TRPC7: variants seen among roughly 807,000 people sequenced by gnomAD.
TRPC7 encodes short transient receptor potential channel 7.
TRPC7 carries 42 observed loss-of-function variants against 90.1 expected under a neutral mutation model. The ratio of observed to expected loss-of-function variants is 0.47; its 90% CI spans 0.36 to 0.60. The LOEUF is 0.60. Among genes scored for constraint, TRPC7 ranks in the 20% least tolerant of loss-of-function variants. TRPC7 has a pLI of 0.00. For missense variants in TRPC7, 955 were observed against 1,112.3 expected (o/e 0.86, Z 2.01); for synonymous variants, 451 against 436.3 (o/e 1.03, Z -0.42).
At chr5:136,349,612 C>T (rs1760127534) in intron 2 of TRPC7, among the ~76,000 whole-genome samples, 1 of 152,188 alleles carries the variant, frequency 6.6e-6, no homozygotes, top group Non-Finnish European at 1.5e-5. Context: ...TGTCTATTTA[C>T]TGAACTAATA....
intron 7 of TRPC7, among the ~76,000 whole-genome samples, chr5:136,245,831 A>T (rs890519678): frequency 3.5e-4 from 54 of 152,232 alleles, no homozygotes; most frequent in Non-Finnish European, 7.5e-4. Context: ...TTTGTGAATA[A>T]GGTGGGAAAC....
Position 136,317,056 on chromosome 5 carries a change from T to A in TRPC7, c.781-1277A>T, listed in dbSNP as rs557520550. On this transcript the variant is annotated intron_variant, in intron 2 of 11. Coordinates refer to ENST00000513104, the MANE Select transcript of TRPC7 (RefSeq NM_020389.3). ...ATTAGAGAAAGAGGTAAGTAACTGC[T>A]TGTTTGCTGGGAAAAGGGAAAAGAT... Among the ~76,000 whole-genome samples the A allele has an allele frequency of 4.0e-4, 61 of 152,336 alleles. 1 individual carries two copies. Among genetic ancestry groups the A allele is most frequent in the African/African-American group, 1.4e-3 (57 of 41,578 alleles).
chr5:136,259,918 C>T (rs902024328), intron 5 of TRPC7, among the ~76,000 whole-genome samples: 16 of 152,246 alleles, frequency 1.1e-4, no homozygotes, highest in African/African-American at 3.9e-4. Context: ...TCTACTTAGT[C>T]TCCTTGTGGC....
Position 136,213,513 on chromosome 5 carries a change from C to T in TRPC7, c.2511G>A (p.Leu837=). 1 of 1,614,028 alleles carries T rather than the reference C, an allele frequency of 6.2e-7. No homozygotes were observed. The highest frequency in any genetic ancestry group is 2.2e-5 in the East Asian group (1 of 44,884). ...CAAACTTCTCGCTGAGTTGTTGAAT[C>T]AGGTCTGCCAGCTCACCAGTAGCTT... ...KSQATGELAD[L]IQQLSEKFGK... Residue 837 remains leucine (L), a synonymous_variant, in exon 12 of 12, where the codon CTG becomes CTA. Transcript: ENST00000513104.
intron 10 of TRPC7, 126 bp downstream of exon 10, chr5:136,225,148 T>C (rs1755585323): frequency 1.2e-6 from 1 of 832,056 alleles, no homozygotes. Context: ...ACTCAATAAA[T>C]ATTTGTACAA....
chr5:136,259,320 A>G (rs1010390888), intron 5 of TRPC7, among the ~76,000 whole-genome samples: 1 of 152,184 alleles, frequency 6.6e-6, no homozygotes, highest in African/African-American at 2.4e-5. Flanking sequence ...TCCACTGGGA[A>G]CAAGCTTACT....
At chr5:136,341,388 G>A (rs577925771) in intron 2 of TRPC7, among the ~76,000 whole-genome samples, 1 of 151,874 alleles carries the variant, frequency 6.6e-6, no homozygotes, top group Non-Finnish European at 1.5e-5. Context: ...AACTGAATGT[G>A]GGGTATATTT....
intron 2 of TRPC7, among the ~76,000 whole-genome samples, chr5:136,334,730 A>G (rs987857180): frequency 6.6e-6 from 1 of 152,238 alleles, no homozygotes; most frequent in Non-Finnish European, 1.5e-5. Flanking sequence ...ATAACACACT[A>G]CAAGACTTAA....
chr5:136,233,934 T>A (rs1322272524), intron 7 of TRPC7, among the ~76,000 whole-genome samples: 1 of 152,212 alleles, frequency 6.6e-6, no homozygotes, highest in East Asian at 1.9e-4. Flanking sequence ...TCTATATCAA[T>A]AATCTGAAGA....
chr5:136,229,987 C>T (rs1292058593), intron 8 of TRPC7, among the ~76,000 whole-genome samples: 1 of 152,168 alleles, frequency 6.6e-6, no homozygotes, highest in African/African-American at 2.4e-5. Flanking sequence ...CTATAACTTG[C>T]ATTTTTTCAC....
chr5:136,310,092 C>T (rs1489249423), intron 3 of TRPC7, among the ~76,000 whole-genome samples: 1 of 152,126 alleles, frequency 6.6e-6, no homozygotes, highest in Non-Finnish European at 1.5e-5. Flanking sequence ...TCAGTCACAC[C>T]CAGTCCTCCC....
chr5:136,350,606 G>GA (rs1259868471), intron 2 of TRPC7, among the ~76,000 whole-genome samples: 5 of 152,082 alleles, frequency 3.3e-5, no homozygotes, highest in Admixed American at 6.6e-5. Flanking sequence ...CAGAAAAATA[G>GA]AAAAAAACAA....
At chr5:136,311,105 T>C (rs1758812260) in intron 3 of TRPC7, among the ~76,000 whole-genome samples, 1 of 152,150 alleles carries the variant, frequency 6.6e-6, no homozygotes, top group African/African-American at 2.4e-5. Flanking sequence ...AAGGCCTCTC[T>C]CATGCAAAAC....
At chr5:136,337,021 G>A (rs1258083613) in intron 2 of TRPC7, among the ~76,000 whole-genome samples, 1 of 152,134 alleles carries the variant, frequency 6.6e-6, no homozygotes, top group East Asian at 1.9e-4. Context: ...TGATTCTGGA[G>A]GCTCACCTAT....
chr5:136,353,926 C>T (rs937640536), intron 2 of TRPC7, among the ~76,000 whole-genome samples: 2 of 152,128 alleles, frequency 1.3e-5, no homozygotes, highest in Non-Finnish European at 2.9e-5. Flanking sequence ...ATTGCAAATA[C>T]TGAAATATGC....
At chr5:136,286,122 C>A (rs949939274) in intron 3 of TRPC7, among the ~76,000 whole-genome samples, 1 of 152,168 alleles carries the variant, frequency 6.6e-6, no homozygotes, top group African/African-American at 2.4e-5. Context: ...ATCGAATGCG[C>A]GAATTTATAA....
intron 3 of TRPC7, among the ~76,000 whole-genome samples, chr5:136,288,434 G>A (rs1212510546): frequency 4.0e-5 from 6 of 149,374 alleles, no homozygotes; most frequent in East Asian, 2.0e-4. Flanking sequence ...GTAATAGAGT[G>A]TAACAACATG....
In TRPC7 at chr5:136,213,098, G is replaced by C. The variant is rs1323685456; in HGVS notation, c.*337C>G. Among the ~76,000 whole-genome samples, 1 of 152,184 alleles carries C rather than the reference G, an allele frequency of 6.6e-6. No individual in the cohort carries two copies. The highest frequency in any genetic ancestry group is 1.5e-5 in the Non-Finnish European group (1 of 68,042). Reference sequence around the variant, plus strand: ...AGCTGCAGTCCCACCTGCAGTGGGAGGGCACAGGTGTGCACCCAAGATGGC... The same window carrying C: ...AGCTGCAGTCCCACCTGCAGTGGGACGGCACAGGTGTGCACCCAAGATGGC... On this transcript the variant is annotated 3_prime_UTR_variant, in exon 12 of 12. Coordinates refer to ENST00000513104, the MANE Select transcript of TRPC7 (RefSeq NM_020389.3).
Position 136,304,401 on chromosome 5 carries a change from A to G in TRPC7, c.963+11196T>C, listed in dbSNP as rs575186447. Among the ~76,000 whole-genome samples the G allele has an allele frequency of 4.0e-5, 6 of 149,020 alleles. No individual in the cohort carries two copies. In the East Asian group the frequency reaches 1.2e-3, roughly 30 times the overall value. On this transcript the variant is annotated intron_variant, in intron 3 of 11. Coordinates refer to ENST00000513104, the MANE Select transcript of TRPC7 (RefSeq NM_020389.3). ...TATAAACTCTCCTTACCATTCCCCC[A>G]TTTTACCTGTCCTAAAACGAGATAA...
Sources: gnomAD v4.1 joint callset for allele counts (sites outside exome capture counted in the v4.1 genomes callset) on GRCh38, gnomAD v4.1.1 for gene constraint, MANE v1.5 for transcripts, NCBI Gene and HGNC (gene_info 2026-07-23, HGNC 2026-07-21) for gene names.